ZBTB16: variants seen among roughly 807,000 people sequenced by gnomAD.
ZBTB16 encodes zinc finger and BTB domain-containing protein 16.
ZBTB16 carries 8 observed loss-of-function variants against 56.8 expected under a neutral mutation model. The observed-to-expected ratio is 0.14, with a 90% CI of 0.08 to 0.25. The LOEUF is 0.25. Ranked by LOEUF, ZBTB16 falls within the 10% of genes least tolerant of loss-of-function variation. ZBTB16 has a pLI of 1.00. For synonymous variants in ZBTB16, 363 were observed against 368.5 expected, an observed-to-expected ratio of 0.98 and a Z score of 0.17; for missense variants, 625 against 903.0, an observed-to-expected ratio of 0.69 and a Z score of 3.95.
At chr11:114,148,072 G>T (rs539164193) in intron 2 of ZBTB16, among the ~76,000 whole-genome samples, 46 of 152,320 alleles carry the variant, frequency 3.0e-4, no homozygotes. Context: ...AGGCCTCTTG[G>T]TTCTCCACAG....
chr11:114,238,475 C>T (rs1035088547), intron 4 of ZBTB16, among the ~76,000 whole-genome samples: 91 of 152,122 alleles, frequency 6.0e-4, no homozygotes, highest in African/African-American at 2.1e-3. Context: ...GCTGATTTCT[C>T]GGTGTCCTCA....
rs35071911 is a variant in ZBTB16, at chr11:114,148,863, G to GGTGTGTGTGTGTGTGT, written c.1269-7451_1269-7436dup. 5.6e-3 allele frequency among the ~76,000 whole-genome samples: 800 copies of GGTGTGTGTGTGTGTGT among 144,028 alleles called. 7 individuals carry two copies. Among genetic ancestry groups the GGTGTGTGTGTGTGTGT allele is most frequent in the African/African-American group, 0.02 (767 of 38,282 alleles). The allele number at this position is 144,028 out of a possible 152,430, so 94.5% of individuals were successfully genotyped here. ...ACAGTAGGGGCAACTGTTTTTTACTGGTGTGTGTGTGTGTGTGTGTGTGTG... is the reference window on the plus strand; with the variant it reads ...ACAGTAGGGGCAACTGTTTTTTACTGGTGTGTGTGTGTGTGTGTGTGTGTGTGTGTGTGTGTGTGTG... On this transcript the variant is annotated intron_variant, in intron 2 of 6. Coordinates refer to ENST00000335953, the MANE Select transcript of ZBTB16 (RefSeq NM_006006.6).
chr11:114,124,979 G>A (rs1451674459), intron 2 of ZBTB16, among the ~76,000 whole-genome samples: 2 of 152,056 alleles, frequency 1.3e-5, no homozygotes, highest in Non-Finnish European at 2.9e-5. Context: ...CAAAGGGAGT[G>A]GGCTAAAGGG....
intron 2 of ZBTB16, among the ~76,000 whole-genome samples, chr11:114,128,795 C>T (rs1436353081): frequency 6.6e-6 from 1 of 152,172 alleles, no homozygotes; most frequent in Non-Finnish European, 1.5e-5. Flanking sequence ...GAGGTGGGCA[C>T]ACGTCTGTCA....
intron 6 of ZBTB16, among the ~76,000 whole-genome samples, chr11:114,249,503 C>T (rs1176017627): frequency 2.9e-5 from 4 of 140,064 alleles, no homozygotes; most frequent in South Asian, 2.4e-4. Context: ...CGGTGGCTCA[C>T]GCCTGTAATC....
intron 2 of ZBTB16, among the ~76,000 whole-genome samples, chr11:114,136,063 G>A (rs1009256614): frequency 2.6e-5 from 4 of 152,138 alleles, no homozygotes; most frequent in African/African-American, 9.7e-5. Flanking sequence ...AAGGAGGAGG[G>A]TTGCATGGAA....
chr11:114,088,773 C>A (rs929175684), intron 2 of ZBTB16, among the ~76,000 whole-genome samples: 2 of 152,238 alleles, frequency 1.3e-5, no homozygotes, highest in South Asian at 2.1e-4. Context: ...GCAGAGTCAT[C>A]TTTGCTCTGA....
chr11:114,195,284 G>T (rs1256494575), intron 4 of ZBTB16, among the ~76,000 whole-genome samples: 1 of 152,152 alleles, frequency 6.6e-6, no homozygotes, highest in African/African-American at 2.4e-5. Flanking sequence ...GGCCATGAGG[G>T]TGACCTGTAG....
chr11:114,159,940 G>GGT (rs200300651), intron 3 of ZBTB16, among the ~76,000 whole-genome samples: 15 of 148,164 alleles, frequency 1.0e-4, no homozygotes, highest in African/African-American at 3.6e-4. Context: ...GGGGAGGCGG[G>GGT]GGGGAGGCGA....
At position 114,112,662 on chromosome 11, in the gene ZBTB16, C is replaced by T. The variant is rs142978964; in HGVS notation, c.1269-43675C>T. Among the ~76,000 whole-genome samples, 1,091 of 152,232 alleles carry T rather than the reference C, an allele frequency of 7.2e-3. 14 individuals carry two copies. The highest frequency in any genetic ancestry group is 0.023 in the African/African-American group (973 of 41,538). ...TCCTAAGAGTTACCTGTCCAGAAGG[C>T]AGTCCTACTGTTCTCTCTCATAGCT... On this transcript the variant is annotated intron_variant, in intron 2 of 6. Transcript: ENST00000335953.
At chr11:114,235,822 T>C (rs1416361532) in intron 4 of ZBTB16, among the ~76,000 whole-genome samples, 8 of 150,348 alleles carry the variant, frequency 5.3e-5, no homozygotes, top group African/African-American at 2.0e-4. Flanking sequence ...ATTAAGCTTG[T>C]TTTAAATTGG....
rs1389202657 is a variant in ZBTB16 at position 114,254,848 on chromosome 11, TG to T, written c.*4295del. ...GATGGGGAGAGGAAAAAGGCAGAGA[TG>T]GCCAGGAGAGGGGTGCAGGACAAAC... On this transcript the variant is annotated 3_prime_UTR_variant, in exon 7 of 7. Coordinates refer to ENST00000335953, the MANE Select transcript of ZBTB16 (RefSeq NM_006006.6). 6.6e-6 allele frequency among the ~76,000 whole-genome samples: 1 copy of T among 151,956 alleles called. No homozygotes were observed. The highest frequency in any genetic ancestry group is 1.5e-5 in the Non-Finnish European group (1 of 67,996).
At chr11:114,150,371 A>C (rs1942252533) in intron 2 of ZBTB16, among the ~76,000 whole-genome samples, 1 of 152,196 alleles carries the variant, frequency 6.6e-6, no homozygotes, top group Non-Finnish European at 1.5e-5. Flanking sequence ...GTGGTGGCTC[A>C]TGCCTGTAAT....
At chr11:114,243,197 T>G (rs1383184927) in intron 5 of ZBTB16, among the ~76,000 whole-genome samples, 1 of 152,252 alleles carries the variant, frequency 6.6e-6, no homozygotes, top group Non-Finnish European at 1.5e-5. Context: ...TGCCCATTTC[T>G]GAGTCTGCCT....
rs1482402521 is a variant in ZBTB16, at chr11:114,254,204, G to A, written c.*3649G>A. On this transcript the variant is annotated 3_prime_UTR_variant, in exon 7 of 7. Transcript: ENST00000335953. The stretch of plus-strand genomic sequence containing the variant: ...ATAGATATATATATATATAGCAAGA[G>A]ATTGATATAAAATAGTAAATATCAT... Among the ~76,000 whole-genome samples, 3 of 151,840 alleles carry A rather than the reference G, an allele frequency of 2.0e-5. No homozygotes were observed. In the East Asian group the frequency reaches 5.8e-4, roughly 29 times the overall value.
At chr11:114,092,314 G>A (rs1157672422) in intron 2 of ZBTB16, among the ~76,000 whole-genome samples, 1 of 152,220 alleles carries the variant, frequency 6.6e-6, no homozygotes, top group Admixed American at 6.5e-5. Context: ...GCCAGTGTGG[G>A]AGCCGCCTCT....
chr11:114,189,994 C>T (rs993057005), intron 4 of ZBTB16, among the ~76,000 whole-genome samples: 2 of 152,102 alleles, frequency 1.3e-5, no homozygotes, highest in African/African-American at 4.8e-5. Context: ...ACTATTTGGC[C>T]TTAAAAAGGA....
At chr11:114,082,326 G>A (rs1939796800) in intron 2 of ZBTB16, among the ~76,000 whole-genome samples, 1 of 152,064 alleles carries the variant, frequency 6.6e-6, no homozygotes, top group African/African-American at 2.4e-5. Context: ...ACCATGAACT[G>A]TAGCTTCTTC....
intron 4 of ZBTB16, among the ~76,000 whole-genome samples, chr11:114,234,828 C>G (rs551783526): frequency 1.3e-5 from 2 of 152,350 alleles, no homozygotes; most frequent in Admixed American, 6.5e-5. Flanking sequence ...GCCTCTCTTT[C>G]TCTCTTGCCG....
Sources: allele counts gnomAD v4.1 joint callset (sites outside exome capture counted in the v4.1 genomes callset), GRCh38; gene constraint gnomAD v4.1.1; transcripts MANE v1.5; gene names NCBI Gene and HGNC (gene_info 2026-07-23, HGNC 2026-07-21).